NLGN1: variants seen among roughly 807,000 people sequenced by gnomAD.
NLGN1 encodes neuroligin-1.
In NLGN1, 12 loss-of-function variants were observed where a neutral mutation model predicts 65.5. The observed-to-expected ratio is 0.18, with a 90% CI of 0.12 to 0.30. The LOEUF (loss-of-function observed/expected upper bound fraction) is 0.30. Among genes scored for constraint, NLGN1 ranks in the 10% least tolerant of loss-of-function variants. NLGN1 has a pLI of 1.00. For synonymous variants in NLGN1, 350 were observed against 359.5 expected (o/e 0.97, Z 0.30); for missense variants, 750 against 1,007.1 (o/e 0.74, Z 3.46).
intron 3 of NLGN1, among the ~76,000 whole-genome samples, chr3:173,625,809 C>G (rs1407379218): frequency 3.3e-5 from 5 of 152,026 alleles, no homozygotes; most frequent in Non-Finnish European, 5.9e-5. Context: ...TCTATAGATA[C>G]AAATCAATTG....
intron 2 of NLGN1, among the ~76,000 whole-genome samples, chr3:173,499,438 T>C (rs1179241075): frequency 6.6e-6 from 1 of 151,882 alleles, no homozygotes; most frequent in Non-Finnish European, 1.5e-5. Context: ...ACCAGTACCA[T>C]GCTGTTTTGG....
chr3:173,475,803 T>C (rs1170260799), intron 2 of NLGN1, among the ~76,000 whole-genome samples: 3 of 152,216 alleles, frequency 2.0e-5, no homozygotes, highest in Non-Finnish European at 4.4e-5. Context: ...GTGATGTAAA[T>C]ACTCTAATCC....
intron 3 of NLGN1, among the ~76,000 whole-genome samples, chr3:173,751,638 A>G (rs924904907): frequency 2.6e-5 from 4 of 152,206 alleles, no homozygotes; most frequent in South Asian, 4.1e-4. Flanking sequence ...AACAGTCTAG[A>G]TAAGCAAATC....
At chr3:174,221,890 G>A (rs1022506528) in intron 4 of NLGN1, among the ~76,000 whole-genome samples, 60 of 151,732 alleles carry the variant, frequency 4.0e-4, no homozygotes, top group African/African-American at 1.4e-3. Context: ...TCTCTGTGTC[G>A]GATCTGAATG....
intron 4 of NLGN1, among the ~76,000 whole-genome samples, chr3:173,861,515 C>CGTGTGTGTGT (rs145812733): frequency 6.4e-5 from 9 of 141,452 alleles, no homozygotes; most frequent in South Asian, 2.4e-4. Context: ...GTAGCTGGCA[C>CGTGTGTGTGT]GTGTGTGTGT....
intron 4 of NLGN1, among the ~76,000 whole-genome samples, chr3:174,174,251 G>A (rs1243939160): frequency 1.3e-5 from 2 of 151,990 alleles, no homozygotes; most frequent in African/African-American, 4.8e-5. Context: ...TTGGTTCCAT[G>A]TTTTTGCAAG....
chr3:173,742,144 T>C (rs1774748050), intron 3 of NLGN1, among the ~76,000 whole-genome samples: 1 of 152,166 alleles, frequency 6.6e-6, no homozygotes, highest in Non-Finnish European at 1.5e-5. Context: ...CAAGGATAAC[T>C]ATACTACAAT....
At chr3:174,212,891 ATGC>A (rs938018299) in intron 4 of NLGN1, among the ~76,000 whole-genome samples, 1 of 152,068 alleles carries the variant, frequency 6.6e-6, no homozygotes, top group African/African-American at 2.4e-5. Flanking sequence ...CCATCTTCAA[ATGC>A]TGCAAGGCTG....
chr3:174,144,136 A>C (rs979995658), intron 4 of NLGN1, among the ~76,000 whole-genome samples: 4 of 151,492 alleles, frequency 2.6e-5, no homozygotes, highest in South Asian at 4.2e-4. Flanking sequence ...TCATTGTTCA[A>C]CTCCTACTTA....
intron 4 of NLGN1, among the ~76,000 whole-genome samples, chr3:173,847,536 G>T (rs964656273): frequency 2.0e-5 from 3 of 152,118 alleles, no homozygotes; most frequent in East Asian, 1.9e-4. Context: ...TTTTTAAAAA[G>T]CTGTATTCTA....
chr3:174,001,897 C>T (rs1308533050), intron 4 of NLGN1, among the ~76,000 whole-genome samples: 2 of 151,984 alleles, frequency 1.3e-5, no homozygotes, highest in Non-Finnish European at 2.9e-5. Context: ...AACCTCCAAA[C>T]AAATAATTTT....
At chr3:173,708,641 C>G (rs1238556280) in intron 3 of NLGN1, among the ~76,000 whole-genome samples, 2 of 152,112 alleles carry the variant, frequency 1.3e-5, no homozygotes, top group Non-Finnish European at 2.9e-5. Context: ...TGAACACATC[C>G]ACTGGGCCCC....
intron 4 of NLGN1, among the ~76,000 whole-genome samples, chr3:173,861,654 A>G (rs562923659): frequency 7.2e-5 from 11 of 151,914 alleles, no homozygotes; most frequent in African/African-American, 2.4e-4. Flanking sequence ...AATAAAAATA[A>G]AAATGATTAC....
At chr3:173,421,908 A>G (rs1014831434) in intron 1 of NLGN1, among the ~76,000 whole-genome samples, 15 of 152,054 alleles carry the variant, frequency 9.9e-5, no homozygotes, top group African/African-American at 3.6e-4. Context: ...CTTTGATTTT[A>G]TACCTCAACA....
chr3:173,942,240 T>A (rs1169367416), intron 4 of NLGN1, among the ~76,000 whole-genome samples: 1 of 151,944 alleles, frequency 6.6e-6, no homozygotes, highest in Admixed American at 6.6e-5. Context: ...ATTCTGGGCA[T>A]CTTATAATAA....
chr3:174,163,976 T>C (rs1295759264), intron 4 of NLGN1, among the ~76,000 whole-genome samples: 1 of 152,056 alleles, frequency 6.6e-6, no homozygotes, highest in African/African-American at 2.4e-5. Context: ...GGTCAAATGA[T>C]ACCTCTGTTT....
intron 4 of NLGN1, among the ~76,000 whole-genome samples, chr3:174,194,139 G>A (rs1732913618): frequency 6.6e-6 from 1 of 151,928 alleles, no homozygotes; most frequent in African/African-American, 2.4e-5. Context: ...TTTTCCAAAA[G>A]ACCAAAATTT....
At chr3:173,635,672 C>T (rs776315463) in intron 3 of NLGN1, among the ~76,000 whole-genome samples, 39 of 152,222 alleles carry the variant, frequency 2.6e-4, no homozygotes, top group Non-Finnish European at 3.7e-4. Context: ...GCTTTCTATA[C>T]TTAGAAATGA....
intron 1 of NLGN1, among the ~76,000 whole-genome samples, chr3:173,421,468 C>T (rs775434397): frequency 1.3e-5 from 2 of 151,472 alleles, no homozygotes; most frequent in Non-Finnish European, 2.9e-5. Flanking sequence ...GGTATTCCAA[C>T]AAAGTCCATT....
Sources: allele counts gnomAD v4.1 joint callset (sites outside exome capture counted in the v4.1 genomes callset), GRCh38; gene constraint gnomAD v4.1.1; transcripts MANE v1.5; gene names NCBI Gene and HGNC (gene_info 2026-07-23, HGNC 2026-07-21).